Variants in DAB1 observed in about 807,000 individuals in gnomAD.
DAB1 encodes disabled homolog 1.
Under a neutral mutation model 64.6 loss-of-function variants are expected in DAB1, and 15 were observed. The observed-to-expected ratio is 0.23, with a 90% CI of 0.16 to 0.36. The LOEUF (loss-of-function observed/expected upper bound fraction) is 0.36, where lower values mean the gene tolerates loss of function less well. DAB1 is among the 10% of genes least tolerant of loss of function. The pLI, the probability that DAB1 is intolerant of heterozygous loss-of-function variation, is 1.00. For synonymous variants in DAB1, 235 were observed against 251.9 expected (o/e 0.93, Z 0.64); for missense variants, 596 against 706.7 (o/e 0.84, Z 1.78).
intron 4 of DAB1, among the ~76,000 whole-genome samples, chr1:58,301,175 T>G: frequency 7.0e-6 from 1 of 141,940 alleles, no homozygotes; most frequent in African/African-American, 2.6e-5. Context: ...GAGTTTTGAG[T>G]TCTGATTGGC....
intron 4 of DAB1, among the ~76,000 whole-genome samples, chr1:57,131,893 G>A (rs540038036): frequency 9.9e-4 from 150 of 152,174 alleles, no homozygotes; most frequent in African/African-American, 3.4e-3. Context: ...CACCAGCTAT[G>A]TGTGAGTCAT....
intron 7 of DAB1, among the ~76,000 whole-genome samples, chr1:57,504,010 T>G (rs1005844069): frequency 6.6e-6 from 1 of 152,188 alleles, no homozygotes; most frequent in African/African-American, 2.4e-5. Flanking sequence ...ATAGTGCATA[T>G]AGTACCTTTA....
chr1:58,512,233 T>A (rs1271723798), intron 2 of DAB1, among the ~76,000 whole-genome samples: 1 of 152,112 alleles, frequency 6.6e-6, no homozygotes, highest in East Asian at 1.9e-4. Context: ...TTATCTATCA[T>A]TGAAAAAAAG....
chr1:57,706,775 A>G (rs746922628), intron 6 of DAB1, among the ~76,000 whole-genome samples: 89 of 152,146 alleles, frequency 5.8e-4, no homozygotes, highest in Non-Finnish European at 8.8e-4. Context: ...AACCACCCCA[A>G]TTAAGATACA....
chr1:57,976,042 G>T (rs935457255), intron 5 of DAB1, among the ~76,000 whole-genome samples: 1 of 152,176 alleles, frequency 6.6e-6, no homozygotes, highest in African/African-American at 2.4e-5. Flanking sequence ...TTGGTGCAAG[G>T]CACTTCTTGG....
intron 14 of DAB1, among the ~76,000 whole-genome samples, chr1:57,010,096 T>A (rs1646218290): frequency 6.6e-6 from 1 of 152,178 alleles, no homozygotes. Context: ...GCACTGCTTG[T>A]TTTTGCTTCT....
intron 3 of DAB1, among the ~76,000 whole-genome samples, chr1:58,504,377 T>C (rs1471902057): frequency 6.6e-6 from 1 of 152,178 alleles, no homozygotes; most frequent in African/African-American, 2.4e-5. Context: ...AAAGGCTCTC[T>C]CTCCCTCCAC....
intron 14 of DAB1, among the ~76,000 whole-genome samples, chr1:57,003,208 G>A (rs1056624416): frequency 3.9e-5 from 6 of 152,208 alleles, no homozygotes; most frequent in African/African-American, 9.7e-5. Context: ...AACTTCCACC[G>A]TTTGCAGACT....
intron 2 of DAB1, 56 bp from the exon 3 acceptor site, chr1:57,145,485 G>A: frequency 6.3e-7 from 1 of 1,575,266 alleles, no homozygotes; most frequent in Non-Finnish European, 8.7e-7. Context: ...CAGTGGCTTT[G>A]AGTATCCACA....
rs78592207 is a variant in DAB1, at chr1:57,452,166, C to CTTTTTTT, written n.626-161007_626-161001dup. Among the ~76,000 whole-genome samples the CTTTTTTT allele has an allele frequency of 2.4e-4, 18 of 75,020 alleles. 1 individual carries two copies. Among genetic ancestry groups the CTTTTTTT allele is most frequent in the African/African-American group, 9.7e-4 (16 of 16,546 alleles). 49.2% of individuals were successfully genotyped at this position (75,020 alleles called of 152,430 possible). A position where few individuals can be genotyped will look rare whatever the true frequency, so the allele number is the denominator to read the frequency against. On this transcript the variant is annotated intron_variant and non_coding_transcript_variant, in intron 7 of 20. Coordinates refer to the DAB1 transcript ENST00000485760. ...GATTTAGTCTCTCTCTGCACCCCCC[C>CTTTTTTT]TTTTTTTTTTTTTTTTTTTTTGACA...
At chr1:57,141,718 TA>T (rs1485759665) in intron 3 of DAB1, among the ~76,000 whole-genome samples, 21 of 152,286 alleles carry the variant, frequency 1.4e-4, no homozygotes, top group Admixed American at 5.9e-4. Context: ...TCCTTTTCCT[TA>T]ACTTCAATCA....
At chr1:58,128,433 T>G (rs1653286864) in intron 5 of DAB1, among the ~76,000 whole-genome samples, 1 of 134,592 alleles carries the variant, frequency 7.4e-6, no homozygotes, top group Admixed American at 7.2e-5. Flanking sequence ...CCTCTTTTCC[T>G]AATTGAATAC....
Position 58,489,685 on chromosome 1 carries a change from C to T in DAB1, n.257+16375G>A, listed in dbSNP as rs548916440. On this transcript the variant is annotated intron_variant and non_coding_transcript_variant, in intron 3 of 20. Coordinates refer to the DAB1 transcript ENST00000485760. The stretch of plus-strand genomic sequence containing the variant: ...ACCCCTGAGTAGCCTAACTGGGAGG[C>T]ACCCCCCAGTAGGGGCAGACTGACA... 1.9e-3 allele frequency among the ~76,000 whole-genome samples: 296 copies of T among 152,306 alleles called. 1 individual carries two copies. Among genetic ancestry groups the T allele is most frequent in the African/African-American group, 6.2e-3 (256 of 41,574 alleles).
At chr1:57,201,940 A>G (rs946728045) in intron 2 of DAB1, among the ~76,000 whole-genome samples, 5 of 152,166 alleles carry the variant, frequency 3.3e-5, no homozygotes, top group African/African-American at 1.2e-4. Context: ...TACACAGACT[A>G]CGTAATTTAA....
intron 4 of DAB1, among the ~76,000 whole-genome samples, chr1:58,237,695 T>C (rs998901824): frequency 6.6e-6 from 1 of 152,194 alleles, no homozygotes; most frequent in Non-Finnish European, 1.5e-5. Flanking sequence ...TTTTGCCTGA[T>C]AGTGACTTCT....
intron 4 of DAB1, among the ~76,000 whole-genome samples, chr1:58,275,629 C>T (rs368992026): frequency 1.6e-4 from 25 of 152,202 alleles, no homozygotes; most frequent in Non-Finnish European, 3.4e-4. Context: ...AACTTATACT[C>T]ATTTTAATGG....
chr1:58,446,872 A>C (rs1325866075), intron 3 of DAB1, among the ~76,000 whole-genome samples: 1 of 152,228 alleles, frequency 6.6e-6, no homozygotes, highest in African/African-American at 2.4e-5. Context: ...TGTCACAAAA[A>C]TAAATTACCA....
chr1:57,427,329 A>T (rs1685329275), upstream of DAB1, among the ~76,000 whole-genome samples: 1 of 152,236 alleles, frequency 6.6e-6, no homozygotes, highest in East Asian at 1.9e-4. Flanking sequence ...GTGATAAATC[A>T]GAAACATATT....
At chr1:57,615,935 TA>T (rs1389695373) in intron 7 of DAB1, among the ~76,000 whole-genome samples, 1 of 152,218 alleles carries the variant, frequency 6.6e-6, no homozygotes, top group Non-Finnish European at 1.5e-5. Flanking sequence ...AGGGCCCCTG[TA>T]AGTACTGAAA....
Sources: allele counts gnomAD v4.1 joint callset (sites outside exome capture counted in the v4.1 genomes callset), GRCh38; gene constraint gnomAD v4.1.1; transcripts MANE v1.5; gene names NCBI Gene and HGNC (gene_info 2026-07-23, HGNC 2026-07-21).